DEFB116: variants seen among roughly 807,000 people sequenced by gnomAD.
DEFB116 encodes beta-defensin 116.
Under a neutral mutation model 2.8 loss-of-function variants are expected in DEFB116, and 5 were observed. The ratio of observed to expected loss-of-function variants is 1.80; its 90% confidence interval spans 0.94 to 3.79. The LOEUF is 3.79. Ranked by LOEUF, DEFB116 falls within the 30% of genes most tolerant of loss-of-function variation. The probability of loss-of-function intolerance (pLI) is 0.00; values close to 1 mark genes in which losing one functional copy is unlikely to be tolerated. For synonymous variants in DEFB116, 56 were observed against 40.8 expected (o/e 1.37, Z -1.42); for missense variants, 170 against 118.0 (o/e 1.44, Z -2.04).
Position 31,303,248 on chromosome 20 carries a change from C to G in DEFB116, c.273G>C (p.Leu91Phe), listed in dbSNP as rs774197421. 6.2e-6 allele frequency: 10 copies of G among 1,613,394 alleles called. No individual in the cohort carries two copies. The highest frequency in any genetic ancestry group is 8.5e-6 in the Non-Finnish European group (10 of 1,179,564). ...AGTAGCTTGAACTGTTTGTAACTGA[C>G]AAGTTGGAGTTAGAGTCGTAATCCT... ...VKEDYDSNSN[L>F]SVTNSSSYSH... Residue 91 changes from leucine (L) to phenylalanine (F), a missense_variant, in exon 2 of 2, where the codon TTG becomes TTC. Physicochemically the swap from Leu to Phe is conservative, Grantham distance 22 (BLOSUM62 0). Transcript: ENST00000400549.
intron 1 of DEFB116, among the ~76,000 whole-genome samples, chr20:31,306,508 G>A (rs1414045375): frequency 2.0e-5 from 3 of 152,048 alleles, no homozygotes; most frequent in Non-Finnish European, 4.4e-5. Context: ...CTTCATTTTT[G>A]TTGTTGTTTG....
intron 1 of DEFB116, among the ~76,000 whole-genome samples, chr20:31,305,632 A>C (rs913623689): frequency 1.3e-5 from 2 of 152,130 alleles, no homozygotes; most frequent in African/African-American, 4.8e-5. Context: ...TTCCGATTGA[A>C]GTCAGAGGAC....
At position 31,304,721 on chromosome 20, in the gene DEFB116, T is replaced by A. The variant is rs533467183; in HGVS notation, c.68-1268A>T. The stretch of plus-strand genomic sequence containing the variant: ...CTTAGCTTGGCATTCAAGGACCTTT[T>A]CAACCATCCCCCCACTCCCTCATTC... On this transcript the variant is annotated intron_variant, in intron 1 of 1. Transcript: ENST00000400549. Among the ~76,000 whole-genome samples the A allele has an allele frequency of 1.6e-4, 25 of 152,162 alleles. No individual in the cohort carries two copies. In the South Asian group the frequency reaches 3.1e-3, roughly 19 times the overall value.
chr20:31,308,557 G>T lies in DEFB116; in HGVS notation c.29C>A (p.Thr10Asn), dbSNP rs1469894787. 2 of 1,613,556 alleles carry T rather than the reference G, an allele frequency of 1.2e-6. No homozygotes were observed. Among genetic ancestry groups the T allele is most frequent in the Non-Finnish European group, 1.7e-6 (2 of 1,179,566 alleles). MSVMKPCLM[T>N]IAILMILAQK... ...AGCCAGGATCATAAGGATGGCAATGGTCATTAAACAGGGCTTCATGACTGA... is the reference window on the plus strand; with the variant it reads ...AGCCAGGATCATAAGGATGGCAATGTTCATTAAACAGGGCTTCATGACTGA... Residue 10 changes from threonine to asparagine, a missense_variant, in exon 1 of 2, where the codon ACC (threonine) becomes AAC (asparagine). Transcript: ENST00000400549.
At chr20:31,305,499 G>A (rs1025117594) in intron 1 of DEFB116, among the ~76,000 whole-genome samples, 2 of 152,040 alleles carry the variant, frequency 1.3e-5, no homozygotes, top group African/African-American at 4.8e-5. Flanking sequence ...TAAAAATAAA[G>A]ATTTTGTCAT....
chr20:31,305,621 C>A (rs1364837340), intron 1 of DEFB116, among the ~76,000 whole-genome samples: 1 of 152,010 alleles, frequency 6.6e-6, no homozygotes, highest in African/African-American at 2.4e-5. Flanking sequence ...ATCTCTCCAT[C>A]TTCCGATTGA....
intron 1 of DEFB116, among the ~76,000 whole-genome samples, chr20:31,304,315 C>T: frequency 6.6e-6 from 1 of 152,052 alleles, no homozygotes; most frequent in East Asian, 1.9e-4. Flanking sequence ...TATTACTTAC[C>T]TATTTGATGT....
At chr20:31,307,931 A>G (rs1473503784) in intron 1 of DEFB116, among the ~76,000 whole-genome samples, 2 of 151,948 alleles carry the variant, frequency 1.3e-5, no homozygotes, top group African/African-American at 4.8e-5. Context: ...AACCCCATTC[A>G]CAGCATCAAT....
intron 1 of DEFB116, among the ~76,000 whole-genome samples, chr20:31,307,356 G>T (rs1045290984): frequency 1.3e-4 from 19 of 151,998 alleles, no homozygotes; most frequent in African/African-American, 4.6e-4. Flanking sequence ...GGAAAACTAG[G>T]TATCTAGATG....
At chr20:31,307,670 A>AG (rs1985022777) in intron 1 of DEFB116, among the ~76,000 whole-genome samples, 1 of 152,142 alleles carries the variant, frequency 6.6e-6, no homozygotes, top group South Asian at 2.1e-4. Flanking sequence ...CATATATCTG[A>AG]GAAGGAGTCA....
intron 1 of DEFB116, among the ~76,000 whole-genome samples, chr20:31,306,517 TG>T (rs1568708109): frequency 1.3e-5 from 2 of 152,148 alleles, no homozygotes. Flanking sequence ...TGTTGTTGTT[TG>T]TGTTTCTTGC....
intron 1 of DEFB116, among the ~76,000 whole-genome samples, chr20:31,305,004 A>C (rs1343063328): frequency 1.3e-5 from 2 of 152,094 alleles, no homozygotes; most frequent in Non-Finnish European, 2.9e-5. Flanking sequence ...CAGATGTCCC[A>C]TAACATTTGG....
At chr20:31,303,674 A>T (rs1458503399) in intron 1 of DEFB116, among the ~76,000 whole-genome samples, 1 of 152,164 alleles carries the variant, frequency 6.6e-6, no homozygotes, top group Non-Finnish European at 1.5e-5. Context: ...AACAGGCAAA[A>T]TAATAGAGCC....
intron 1 of DEFB116, among the ~76,000 whole-genome samples, chr20:31,305,959 T>C (rs1984983178): frequency 6.6e-6 from 1 of 152,140 alleles, no homozygotes; most frequent in African/African-American, 2.4e-5. Flanking sequence ...AAGCCACGAT[T>C]CTGCCTAGCC....
chr20:31,306,700 G>T (rs1298120177), intron 1 of DEFB116, among the ~76,000 whole-genome samples: 5 of 152,110 alleles, frequency 3.3e-5, no homozygotes, highest in African/African-American at 4.8e-5. Flanking sequence ...AAGAAAAACA[G>T]AGAAGAAAGA....
At chr20:31,304,322 A>T (rs911463716) in intron 1 of DEFB116, among the ~76,000 whole-genome samples, 1 of 152,112 alleles carries the variant, frequency 6.6e-6, no homozygotes, top group Non-Finnish European at 1.5e-5. Flanking sequence ...TACCTATTTG[A>T]TGTTCTACAG....
At chr20:31,304,019 A>G (rs1257611613) in intron 1 of DEFB116, among the ~76,000 whole-genome samples, 1 of 152,160 alleles carries the variant, frequency 6.6e-6, no homozygotes, top group Non-Finnish European at 1.5e-5. Context: ...TTGGCCTTAC[A>G]GAAACAGGTA....
intron 1 of DEFB116, among the ~76,000 whole-genome samples, chr20:31,308,156 C>A (rs1013599460): frequency 6.6e-6 from 1 of 152,070 alleles, no homozygotes; most frequent in Non-Finnish European, 1.5e-5. Context: ...ACCTCCCCAC[C>A]TCAACTCCCT....
At chr20:31,305,496 A>T (rs1984972994) in intron 1 of DEFB116, among the ~76,000 whole-genome samples, 1 of 152,156 alleles carries the variant, frequency 6.6e-6, no homozygotes, top group Non-Finnish European at 1.5e-5. Context: ...AAATAAAAAT[A>T]AAGATTTTGT....
Sources: gnomAD v4.1 joint callset for allele counts (sites outside exome capture counted in the v4.1 genomes callset) on GRCh38, gnomAD v4.1.1 for gene constraint, MANE v1.5 for transcripts, NCBI Gene and HGNC (gene_info 2026-07-23, HGNC 2026-07-21) for gene names.